CHODL: variants seen among roughly 807,000 people sequenced by gnomAD.
The protein encoded by CHODL is transmembrane protein MT75.
A neutral mutation model predicts 34.5 loss-of-function variants in CHODL; 29 were observed. The observed-to-expected ratio is 0.84, with a 90% CI of 0.63 to 1.15. The LOEUF is 1.15. CHODL is among the 50% of genes most tolerant of loss of function. CHODL has a pLI of 0.00. For synonymous variants in CHODL, 125 were observed against 116.1 expected (o/e 1.08, Z -0.49); for missense variants, 332 against 332.5 (o/e 1.00, Z 0.01).
intron 1 of CHODL, among the ~76,000 whole-genome samples, chr21:17,990,098 A>G (rs2063785188): frequency 6.6e-6 from 1 of 152,138 alleles, no homozygotes; most frequent in South Asian, 2.1e-4. Flanking sequence ...AGGTCTCCTA[A>G]AACTGCTCAT....
chr21:18,042,834 A>G (rs896008602), intron 2 of CHODL, among the ~76,000 whole-genome samples: 3 of 151,904 alleles, frequency 2.0e-5, no homozygotes, highest in African/African-American at 7.2e-5. Context: ...AGCTTTGGTC[A>G]TTACTTAGTC....
intron 1 of CHODL, among the ~76,000 whole-genome samples, chr21:17,941,891 C>A (rs2063367285): frequency 6.6e-6 from 1 of 151,850 alleles, no homozygotes; most frequent in African/African-American, 2.4e-5. Context: ...TCTAGCTGCA[C>A]CTTTACATTG....
At chr21:18,007,865 A>G (rs527758046) in intron 1 of CHODL, among the ~76,000 whole-genome samples, 1 of 152,198 alleles carries the variant, frequency 6.6e-6, no homozygotes, top group Non-Finnish European at 1.5e-5. Flanking sequence ...ACTTTGGGTC[A>G]ATTATTGATT....
rs552925821 is a variant in CHODL at position 18,017,765 on chromosome 21, G to A, written c.-144-10107G>A. On this transcript the variant is annotated intron_variant, in intron 1 of 6. Coordinates refer to the CHODL transcript ENST00000400127. ...TCCCTAGTGGAGCTGTGGGAAGGGG[G>A]CTGCCACCTTCCAGAACCCAGAATG... 2.7e-4 allele frequency among the ~76,000 whole-genome samples: 41 copies of A among 152,310 alleles called. No homozygotes were observed. The South Asian group carries it at 8.1e-3, about 30-fold the overall frequency.
intron 1 of CHODL, among the ~76,000 whole-genome samples, chr21:17,931,195 C>T (rs2063270285): frequency 6.6e-6 from 1 of 152,198 alleles, no homozygotes; most frequent in African/African-American, 2.4e-5. Flanking sequence ...CTTGGTGTTT[C>T]TGTTCCTCCC....
chr21:18,215,055 T>G (rs1313238993), intron 2 of CHODL, among the ~76,000 whole-genome samples: 1 of 152,018 alleles, frequency 6.6e-6, no homozygotes, highest in African/African-American at 2.4e-5. Context: ...ATTAAATAAA[T>G]AATTTTCACA....
At chr21:18,098,087 C>G (rs1203073304) in intron 2 of CHODL, among the ~76,000 whole-genome samples, 1 of 152,002 alleles carries the variant, frequency 6.6e-6, no homozygotes, top group Non-Finnish European at 1.5e-5. Context: ...ACATAGAAAT[C>G]TAAGACCTCA....
intron 2 of CHODL, among the ~76,000 whole-genome samples, chr21:18,118,075 T>C (rs141761904): frequency 5.3e-4 from 80 of 152,352 alleles, no homozygotes; most frequent in African/African-American, 1.6e-3. Flanking sequence ...GAAATTAATG[T>C]ACCTTTACAT....
intron 2 of CHODL, among the ~76,000 whole-genome samples, chr21:18,130,046 G>A (rs1200455861): frequency 6.6e-6 from 1 of 152,016 alleles, no homozygotes; most frequent in Non-Finnish European, 1.5e-5. Flanking sequence ...TTTCACCGGA[G>A]CAAGGAGAAG....
At chr21:18,027,587 C>T (rs1475376189) in intron 1 of CHODL, among the ~76,000 whole-genome samples, 10 of 152,078 alleles carry the variant, frequency 6.6e-5, no homozygotes, top group Non-Finnish European at 1.2e-4. Flanking sequence ...AGGTAAAGTG[C>T]GATGCCTTTT....
At chr21:17,967,148 C>G (rs197527) in intron 1 of CHODL, among the ~76,000 whole-genome samples, 151,687 of 152,246 alleles carry the variant, frequency 1, 75,568 homozygotes, top group Middle Eastern at 1. Context: ...ACCTCTCAAA[C>G]TGCTGGGATT....
chr21:18,257,166 A>T (rs1417209507), intron 3 of CHODL, 39 bp downstream of exon 3: 6 of 1,549,892 alleles, frequency 3.9e-6, no homozygotes, highest in African/African-American at 1.4e-5. Context: ...GATTTTGTGC[A>T]TGTTTAATTG....
chr21:18,021,161 G>A (rs17002280), intron 1 of CHODL, among the ~76,000 whole-genome samples: 11 of 152,136 alleles, frequency 7.2e-5, no homozygotes, highest in Non-Finnish European at 1.0e-4. Flanking sequence ...CATTGGTTAG[G>A]TCTGACTACT....
chr21:18,259,166 A>G (rs1380934561), intron 3 of CHODL, among the ~76,000 whole-genome samples: 1 of 152,224 alleles, frequency 6.6e-6, no homozygotes, highest in Non-Finnish European at 1.5e-5. Context: ...TGAAGACTAT[A>G]TAAGAACATG....
intron 2 of CHODL, among the ~76,000 whole-genome samples, chr21:18,112,481 A>T (rs942253561): frequency 6.6e-6 from 1 of 152,170 alleles, no homozygotes; most frequent in African/African-American, 2.4e-5. Context: ...AGAAGAACAA[A>T]ATTGGAGGAA....
chr21:18,020,488 A>G (rs972015924), intron 1 of CHODL, among the ~76,000 whole-genome samples: 2 of 152,200 alleles, frequency 1.3e-5, no homozygotes, highest in Admixed American at 1.3e-4. Context: ...ACACCAAGTA[A>G]TATGTGGTAA....
chr21:18,171,090 T>C lies in CHODL; in HGVS notation c.-44-85419T>C, dbSNP rs572410175. Among the ~76,000 whole-genome samples, 93 of 142,204 alleles carry C rather than the reference T, an allele frequency of 6.5e-4. 1 individual carries two copies. Among genetic ancestry groups the C allele is most frequent in the Non-Finnish European group, 1.1e-3 (72 of 65,934 alleles). 93.3% of individuals were successfully genotyped at this position (142,204 alleles called of 152,430 possible). A position where few individuals can be genotyped will look rare whatever the true frequency, so the allele number is the denominator to read the frequency against. ...TTTAGGATTATTATTTCAATTATTT[T>C]GGTAATTTATAACTCCAGAATTTGT... On this transcript the variant is annotated intron_variant, in intron 2 of 6. Transcript: ENST00000400127.
At chr21:17,921,521 G>A (rs962076194) in intron 1 of CHODL, among the ~76,000 whole-genome samples, 11 of 152,148 alleles carry the variant, frequency 7.2e-5, no homozygotes, top group African/African-American at 2.4e-4. Context: ...ATCTAGAATA[G>A]GATGTAAACT....
chr21:18,008,789 ATTTAAT>A (rs2063984288), intron 1 of CHODL, among the ~76,000 whole-genome samples: 2 of 152,206 alleles, frequency 1.3e-5, no homozygotes. Flanking sequence ...GACAAATCAT[ATTTAAT>A]TTTATGTTAC....
Sources: allele counts gnomAD v4.1 joint callset (sites outside exome capture counted in the v4.1 genomes callset), GRCh38; gene constraint gnomAD v4.1.1; transcripts MANE v1.5; gene names NCBI Gene and HGNC (gene_info 2026-07-23, HGNC 2026-07-21).